The following TWSG1 variants were observed in gnomAD, a reference collection of about 807,000 sequenced individuals.
TWSG1 encodes twisted gastrulation BMP signaling modulator 1.
A neutral mutation model predicts 23.0 loss-of-function variants in TWSG1; 15 were observed. The ratio of observed to expected loss-of-function variants is 0.65; its 90% CI spans 0.44 to 1.00. TWSG1 has a LOEUF of 1.00. TWSG1 is among the 50% of genes least tolerant of loss of function. The pLI, the probability that TWSG1 is intolerant of heterozygous loss-of-function variation, is 0.00. For missense variants in TWSG1, 242 were observed against 278.7 expected (o/e 0.87, Z 0.94); for synonymous variants, 86 against 92.8 (o/e 0.93, Z 0.42).
At chr18:9,376,880 C>T (rs145551530) in intron 3 of TWSG1, among the ~76,000 whole-genome samples, 29 of 150,258 alleles carry the variant, frequency 1.9e-4, no homozygotes, top group African/African-American at 6.3e-4. Context: ...TATGTCTGTA[C>T]TGAACATGTA....
chr18:9,369,484 G>A (rs2145615754), intron 3 of TWSG1, among the ~76,000 whole-genome samples: 1 of 152,188 alleles, frequency 6.6e-6, no homozygotes, highest in South Asian at 2.1e-4. Flanking sequence ...GGCCAAGCTG[G>A]TCTCAAACTC....
At chr18:9,361,881 T>C (rs2040554294) in intron 3 of TWSG1, among the ~76,000 whole-genome samples, 1 of 152,206 alleles carries the variant, frequency 6.6e-6, no homozygotes, top group Non-Finnish European at 1.5e-5. Flanking sequence ...TAGGCTTGCC[T>C]CTGCCACTCT....
chr18:9,374,895 C>G (rs186891484), intron 3 of TWSG1, among the ~76,000 whole-genome samples: 5 of 152,108 alleles, frequency 3.3e-5, no homozygotes, highest in Admixed American at 6.5e-5. Context: ...GGGTGTGGTG[C>G]GGTGGCTCAC....
At chr18:9,368,370 T>A (rs2040589244) in intron 3 of TWSG1, among the ~76,000 whole-genome samples, 1 of 152,160 alleles carries the variant, frequency 6.6e-6, no homozygotes, top group South Asian at 2.1e-4. Context: ...CTGGCTAATT[T>A]TTTTGTATTT....
chr18:9,398,022 A>T (rs1231018773), intron 4 of TWSG1, among the ~76,000 whole-genome samples: 3 of 150,856 alleles, frequency 2.0e-5, no homozygotes. Flanking sequence ...AAAAAAAAAA[A>T]AAAAACCAAG....
intron 3 of TWSG1, among the ~76,000 whole-genome samples, chr18:9,386,217 T>C (rs1377770529): frequency 2.6e-5 from 4 of 151,248 alleles, no homozygotes; most frequent in Non-Finnish European, 4.4e-5. Context: ...CCCAACGTTT[T>C]GGGAGATCGA....
At chr18:9,383,568 T>G (rs2040669093) in intron 3 of TWSG1, among the ~76,000 whole-genome samples, 1 of 152,140 alleles carries the variant, frequency 6.6e-6, no homozygotes, top group Non-Finnish European at 1.5e-5. Context: ...AGAAACAAAT[T>G]AGGAGACTGT....
At chr18:9,354,059 AAGAGAG>A (rs1326226121) in intron 2 of TWSG1, among the ~76,000 whole-genome samples, 1 of 152,230 alleles carries the variant, frequency 6.6e-6, no homozygotes, top group Non-Finnish European at 1.5e-5. Flanking sequence ...TATTCTTTCT[AAGAGAG>A]TAATAACTGT....
At chr18:9,352,639 T>C (rs1411587758) in intron 2 of TWSG1, among the ~76,000 whole-genome samples, 1 of 152,200 alleles carries the variant, frequency 6.6e-6, no homozygotes, top group Admixed American at 6.5e-5. Context: ...TACTAGAATA[T>C]AATGTTGTTT....
intron 2 of TWSG1, among the ~76,000 whole-genome samples, chr18:9,349,509 C>A (rs2040491908): frequency 1.3e-5 from 2 of 152,056 alleles, no homozygotes. Flanking sequence ...TTAAATAAAT[C>A]TTAAGTTTTC....
chr18:9,399,666 T>C lies in TWSG1; in HGVS notation c.*139T>C. 2 of 730,942 alleles carry C rather than the reference T, an allele frequency of 2.7e-6. No individual in the cohort carries two copies. The highest frequency in any genetic ancestry group is 6.5e-5 in the Admixed American group (2 of 30,724). 45.3% of individuals were successfully genotyped at this position (730,942 alleles called of 1,614,324 possible). ...CTTTGGAATAAGTTTCTTTTAAAAA[T>C]ATGACATAGCCAGTGATGTGTTTAA... is the stretch of plus-strand genomic sequence containing the variant. On this transcript the variant is annotated 3_prime_UTR_variant, in exon 5 of 5. Transcript: ENST00000262120.
In TWSG1 at chr18:9,391,898, G is replaced by A. The variant is rs149949826; in HGVS notation, c.224-4382G>A. On this transcript the variant is annotated intron_variant, in intron 3 of 4. Coordinates refer to ENST00000262120, the MANE Select transcript of TWSG1 (RefSeq NM_020648.6). ...TAACCAGGTACATTGTCAGTGAGCA[G>A]TAATATTTGAAAGGAATCATTTTTT... is the stretch of plus-strand genomic sequence containing the variant. 1.8e-4 allele frequency among the ~76,000 whole-genome samples: 28 copies of A among 152,360 alleles called. No individual in the cohort carries two copies. The East Asian group carries it at 5.4e-3, about 29-fold the overall frequency.
chr18:9,375,396 G>A lies in TWSG1; in HGVS notation c.223+15325G>A, dbSNP rs922806819. 3.3e-5 allele frequency among the ~76,000 whole-genome samples: 5 copies of A among 152,246 alleles called. No individual in the cohort carries two copies. The East Asian group carries it at 5.8e-4, about 18-fold the overall frequency. On this transcript the variant is annotated intron_variant, in intron 3 of 4. Coordinates refer to ENST00000262120, the MANE Select transcript of TWSG1 (RefSeq NM_020648.6). ...GAGCTAACATCAAACTTAATGGTAA[G>A]AAACTGGAAGCTTTCCCACTATAGT...
At chr18:9,335,653 T>G (rs937618867) in intron 1 of TWSG1, among the ~76,000 whole-genome samples, 8 of 152,278 alleles carry the variant, frequency 5.3e-5, no homozygotes, top group African/African-American at 1.9e-4. Context: ...TCATCCTACT[T>G]GGTATGCGGC....
chr18:9,337,390 T>C (rs762856244), intron 2 of TWSG1, 38 bp downstream of exon 2: 33 of 1,601,252 alleles, frequency 2.1e-5, no homozygotes, highest in Non-Finnish European at 2.6e-5. Flanking sequence ...TCAAAATATA[T>C]TGTAGAGCAG....
chr18:9,387,399 A>G (rs991186314), intron 3 of TWSG1, among the ~76,000 whole-genome samples: 3 of 152,160 alleles, frequency 2.0e-5, no homozygotes, highest in Non-Finnish European at 2.9e-5. Context: ...TATATCCCTC[A>G]CGCAGGTTCA....
intron 2 of TWSG1, among the ~76,000 whole-genome samples, chr18:9,354,256 T>G (rs2145602550): frequency 6.6e-6 from 1 of 152,284 alleles, no homozygotes; most frequent in Non-Finnish European, 1.5e-5. Flanking sequence ...CTTTATGAGA[T>G]TCAAGACAAT....
chr18:9,357,612 C>T (rs746336389), intron 2 of TWSG1, among the ~76,000 whole-genome samples: 6 of 152,144 alleles, frequency 3.9e-5, no homozygotes, highest in African/African-American at 1.4e-4. Context: ...TTTTTAAAAA[C>T]ATACATATCA....
At position 9,396,599 on chromosome 18, in the gene TWSG1, A is replaced by T. The variant is rs2298550; in HGVS notation, c.490+53A>T. On this transcript the variant is annotated intron_variant, in intron 4 of 4. Coordinates refer to ENST00000262120, the MANE Select transcript of TWSG1 (RefSeq NM_020648.6). Reference sequence around the variant, plus strand: ...TTCCGCCCCCTCATGTGGTCTGTCCATGTAATCTATAAAACCTATATAAGA... The same window carrying T: ...TTCCGCCCCCTCATGTGGTCTGTCCTTGTAATCTATAAAACCTATATAAGA... 3 of 1,577,230 alleles carry T rather than the reference A, an allele frequency of 1.9e-6. No individual in the cohort carries two copies. The Admixed American group carries it at 5.2e-5, about 27-fold the overall frequency.
Sources: gnomAD v4.1 joint callset for allele counts (sites outside exome capture counted in the v4.1 genomes callset) on GRCh38, gnomAD v4.1.1 for gene constraint, MANE v1.5 for transcripts, NCBI Gene and HGNC (gene_info 2026-07-23, HGNC 2026-07-21) for gene names.